The following ME2 variants were observed in gnomAD, a reference collection of about 807,000 sequenced individuals.
ME2 encodes malic enzyme 2, also known as NAD-dependent malic enzyme, mitochondrial.
ME2 carries 60 observed loss-of-function variants against 73.7 expected under a neutral mutation model. The observed-to-expected ratio is 0.81, with a 90% CI of 0.66 to 1.01. The LOEUF is 1.01. Ranked by LOEUF, ME2 falls within the 50% of genes least tolerant of loss-of-function variation. The probability of loss-of-function intolerance (pLI) is 0.00; values close to 1 mark genes in which losing one functional copy is unlikely to be tolerated. For missense variants in ME2, 594 were observed against 705.5 expected (o/e 0.84, Z 1.79); for synonymous variants, 199 against 236.9 (o/e 0.84, Z 1.47).
At chr18:50,890,929 A>G (rs1050988168) in intron 1 of ME2, among the ~76,000 whole-genome samples, 1 of 152,176 alleles carries the variant, frequency 6.6e-6, no homozygotes, top group Non-Finnish European at 1.5e-5. Context: ...GCAGGGCCAT[A>G]TTGAGCCTGG....
rs1918275003 is a variant in ME2 at position 50,954,083 on chromosome 18, T to C, written c.*6899T>C. ...TAGTAATTGCTTATGGGAATGCTAG[T>C]TTAAGAGGAATGCCTTGTATAGAAC... On this transcript the variant is annotated 3_prime_UTR_variant, in exon 16 of 16. Transcript: ENST00000321341. 6.6e-6 allele frequency: 1 copy of C among 152,208 alleles called. No individual in the cohort carries two copies. The highest frequency in any genetic ancestry group is 1.5e-5 in the Non-Finnish European group (1 of 68,042). 9.4% of individuals were successfully genotyped at this position (152,208 alleles called of 1,614,324 possible). A position where few individuals can be genotyped will look rare whatever the true frequency, so the allele number is the denominator to read the frequency against.
intron 2 of ME2, among the ~76,000 whole-genome samples, chr18:50,896,705 A>G (rs888239048): frequency 7.2e-5 from 11 of 152,150 alleles, no homozygotes; most frequent in African/African-American, 2.2e-4. Context: ...ACTTATTTTA[A>G]AAGAACAGTC....
At chr18:50,884,616 G>A (rs1269236894) in intron 1 of ME2, among the ~76,000 whole-genome samples, 3 of 152,192 alleles carry the variant, frequency 2.0e-5, no homozygotes, top group African/African-American at 7.2e-5. Flanking sequence ...AAAGGGCTGG[G>A]ATTACAGGCG....
chr18:50,906,774 A>G (rs1917029593), intron 2 of ME2, among the ~76,000 whole-genome samples: 1 of 152,106 alleles, frequency 6.6e-6, no homozygotes, highest in African/African-American at 2.4e-5. Context: ...GTTGCGGCAT[A>G]CCTCCAGCAC....
chr18:50,888,266 G>A (rs142078130), intron 1 of ME2, among the ~76,000 whole-genome samples: 1 of 151,768 alleles, frequency 6.6e-6, no homozygotes, highest in East Asian at 1.9e-4. Context: ...GATTGCTTGA[G>A]CCCCCGAGGT....
At chr18:50,934,797 T>A (rs1055358061) in intron 13 of ME2, 13 of 151,820 alleles carry the variant, frequency 8.6e-5, no homozygotes, top group Non-Finnish European at 1.2e-4. Context: ...CGGATGAAAA[T>A]TTTTTTTAAG....
Position 50,954,116 on chromosome 18 carries a change from A to G in ME2, c.*6932A>G, listed in dbSNP as rs577401332. Reference sequence around the variant, plus strand: ...GAATGCCTTGTATAGAACATATTATACCAGATTGACTTGTTAAAAATGGTT... The same window carrying G: ...GAATGCCTTGTATAGAACATATTATGCCAGATTGACTTGTTAAAAATGGTT... On this transcript the variant is annotated 3_prime_UTR_variant, in exon 16 of 16. Coordinates refer to ENST00000321341, the MANE Select transcript of ME2 (RefSeq NM_002396.5). 4.6e-5 allele frequency: 7 copies of G among 152,230 alleles called. No homozygotes were observed. Among genetic ancestry groups the G allele is most frequent in the Non-Finnish European group, 1.0e-4 (7 of 68,036 alleles). 9.4% of individuals were successfully genotyped at this position (152,230 alleles called of 1,614,324 possible). A position where few individuals can be genotyped will look rare whatever the true frequency, so the allele number is the denominator to read the frequency against.
At chr18:50,945,015 A>G (rs568516328) in intron 15 of ME2, 1 of 152,192 alleles carries the variant, frequency 6.6e-6, no homozygotes, top group South Asian at 2.1e-4. Context: ...GTCTTTTTAT[A>G]TCATTCCTGT....
chr18:50,937,480 T>G (rs1272495628), intron 13 of ME2, among the ~76,000 whole-genome samples: 1 of 152,182 alleles, frequency 6.6e-6, no homozygotes, highest in Non-Finnish European at 1.5e-5. Context: ...TCTTAACTCT[T>G]AAATGTGAGA....
At chr18:50,939,251 C>T in intron 13 of ME2, 1 of 189,902 alleles carries the variant, frequency 5.3e-6, no homozygotes, top group Middle Eastern at 2.1e-3. Context: ...CTCTGTAGAG[C>T]AAGAAGTGGA....
chr18:50,890,279 T>C (rs1480019609), intron 1 of ME2, among the ~76,000 whole-genome samples: 1 of 152,118 alleles, frequency 6.6e-6, no homozygotes, highest in African/African-American at 2.4e-5. Flanking sequence ...TATTATTTTC[T>C]TTTTTTGTAC....
chr18:50,937,973 A>T (rs186573960), intron 13 of ME2, among the ~76,000 whole-genome samples: 1 of 152,294 alleles, frequency 6.6e-6, no homozygotes, highest in African/African-American at 2.4e-5. Flanking sequence ...GCTAAACATG[A>T]TGAATTAAAA....
chr18:50,908,292 A>C, intron 3 of ME2, 96 bp downstream of exon 3: 2 of 877,260 alleles, frequency 2.3e-6, no homozygotes, highest in Non-Finnish European at 3.3e-6. Context: ...ACACAATCTT[A>C]TATAAGTTTG....
At chr18:50,937,809 TAGAG>T (rs1485749014) in intron 13 of ME2, among the ~76,000 whole-genome samples, 7 of 152,038 alleles carry the variant, frequency 4.6e-5, no homozygotes, top group Non-Finnish European at 7.4e-5. Context: ...TAAAGAAAAT[TAGAG>T]AGCCAATCCA....
At chr18:50,942,682 C>A (rs908954062) in intron 15 of ME2, 8 of 293,598 alleles carry the variant, frequency 2.7e-5, no homozygotes, top group Non-Finnish European at 5.0e-5. Flanking sequence ...CTAACAAAGA[C>A]TTTTTTTTCT....
intron 1 of ME2, among the ~76,000 whole-genome samples, chr18:50,885,440 C>A (rs1373059006): frequency 6.6e-6 from 1 of 151,942 alleles, no homozygotes; most frequent in Non-Finnish European, 1.5e-5. Flanking sequence ...ATCACTTGAG[C>A]CCAGGAGTTC....
intron 1 of ME2, among the ~76,000 whole-genome samples, chr18:50,893,329 G>A (rs376670101): frequency 6.6e-6 from 1 of 151,990 alleles, no homozygotes; most frequent in Non-Finnish European, 1.5e-5. Context: ...TTTTCATCAT[G>A]GTTATTTCTG....
In ME2 at chr18:50,925,751, T is replaced by G; in HGVS notation, c.1172-5T>G. ...GTTGCTGTTTTTCCCCCTTACTTAT[T>G]ACAGGAGTTGCAGGTGCTGGCCGTC... is the stretch of plus-strand genomic sequence containing the variant. On this transcript the variant is annotated splice_polypyrimidine_tract_variant and splice_region_variant and intron_variant, in intron 11 of 15. Transcript: ENST00000321341. 3 of 1,613,398 alleles carry G rather than the reference T, an allele frequency of 1.9e-6. No individual in the cohort carries two copies. The highest frequency in any genetic ancestry group is 2.5e-6 in the Non-Finnish European group (3 of 1,179,584).
chr18:50,947,318 C>A lies in ME2; in HGVS notation c.*134C>A. The stretch of plus-strand genomic sequence containing the variant: ...ACCACTTTGGTTGATGTATTTTTTC[C>A]ATGCGTCTCCACATCTGTTGGGGTA... On this transcript the variant is annotated 3_prime_UTR_variant, in exon 16 of 16. Coordinates refer to ENST00000321341, the MANE Select transcript of ME2 (RefSeq NM_002396.5). 1 of 794,356 alleles carries A rather than the reference C, an allele frequency of 1.3e-6. No individual in the cohort carries two copies. Among genetic ancestry groups the A allele is most frequent in the Non-Finnish European group, 2.0e-6 (1 of 500,612 alleles). 49.2% of individuals were successfully genotyped at this position (794,356 alleles called of 1,614,324 possible). A position where few individuals can be genotyped will look rare whatever the true frequency, so the allele number is the denominator to read the frequency against.
Sources: allele counts gnomAD v4.1 joint callset (sites outside exome capture counted in the v4.1 genomes callset), GRCh38; gene constraint gnomAD v4.1.1; transcripts MANE v1.5; gene names NCBI Gene and HGNC (gene_info 2026-07-23, HGNC 2026-07-21).